Variants in GNAO1 observed in about 807,000 individuals in gnomAD.
GNAO1 encodes the protein G protein subunit alpha o1, also known as guanine nucleotide-binding protein G(o) subunit alpha.
For missense variants in GNAO1, 166 were observed against 478.7 expected (o/e 0.35, Z 6.10); for synonymous variants, 164 against 180.7 (o/e 0.91, Z 0.74).
At chr16:56,230,498 G>A (rs1319103347) in intron 2 of GNAO1, among the ~76,000 whole-genome samples, 8 of 152,304 alleles carry the variant, frequency 5.3e-5, no homozygotes, top group South Asian at 2.1e-4. Flanking sequence ...TAATCAGAGC[G>A]TGGGTGGGGA....
intron 2 of GNAO1, among the ~76,000 whole-genome samples, chr16:56,235,936 C>G (rs965600325): frequency 1.3e-5 from 2 of 152,150 alleles, no homozygotes; most frequent in African/African-American, 2.4e-5. Context: ...CGACTTGGAC[C>G]TTTATCATTT....
At chr16:56,279,826 A>G (rs1478853165) in intron 3 of GNAO1, among the ~76,000 whole-genome samples, 1 of 152,180 alleles carries the variant, frequency 6.6e-6, no homozygotes, top group Non-Finnish European at 1.5e-5. Context: ...TGCAATTTCA[A>G]GGGGGCCTGG....
intron 2 of GNAO1, among the ~76,000 whole-genome samples, chr16:56,250,083 T>A (rs2143453010): frequency 6.6e-6 from 1 of 152,112 alleles, no homozygotes; most frequent in East Asian, 1.9e-4. Context: ...CAGGAAGAAT[T>A]GGTACTGAGA....
At chr16:56,292,124 C>G (rs1394336481) in intron 3 of GNAO1, among the ~76,000 whole-genome samples, 4 of 152,220 alleles carry the variant, frequency 2.6e-5, no homozygotes, top group African/African-American at 7.2e-5. Flanking sequence ...CCAGCAGGCT[C>G]TTTCCTAGCA....
At chr16:56,297,827 G>A (rs1167789463) in intron 3 of GNAO1, among the ~76,000 whole-genome samples, 11 of 151,968 alleles carry the variant, frequency 7.2e-5, no homozygotes, top group African/African-American at 2.4e-4. Flanking sequence ...AGCTGGGCTG[G>A]GTCAGGGAGT....
At chr16:56,340,707 C>T (rs1596875325) in intron 6 of GNAO1, 2 of 798,470 alleles carry the variant, frequency 2.5e-6, no homozygotes, top group Admixed American at 4.2e-5. Context: ...CTGGTGGTCT[C>T]CGTCCCGGTG....
chr16:56,220,117 C>T (rs879919937), intron 2 of GNAO1, among the ~76,000 whole-genome samples: 2 of 152,136 alleles, frequency 1.3e-5, no homozygotes, highest in Non-Finnish European at 2.9e-5. Flanking sequence ...GCTCTTTGGA[C>T]AGCCATGTGA....
chr16:56,193,091 G>A (rs1296863899), intron 2 of GNAO1: 2 of 162,014 alleles, frequency 1.2e-5, no homozygotes, highest in African/African-American at 4.8e-5. Context: ...TTTTGAACTT[G>A]GCTAACATGG....
At chr16:56,296,234 T>G (rs981745694) in intron 3 of GNAO1, among the ~76,000 whole-genome samples, 7 of 151,988 alleles carry the variant, frequency 4.6e-5, no homozygotes, top group Admixed American at 2.0e-4. Flanking sequence ...TCTCTTGGGG[T>G]GGGGGCAGGC....
chr16:56,251,566 C>G (rs912637845), intron 2 of GNAO1, among the ~76,000 whole-genome samples: 1 of 152,116 alleles, frequency 6.6e-6, no homozygotes, highest in African/African-American at 2.4e-5. Flanking sequence ...AATATAGAAC[C>G]CCAGGTGGTC....
chr16:56,297,120 G>C (rs568769468), intron 3 of GNAO1, among the ~76,000 whole-genome samples: 8 of 152,318 alleles, frequency 5.3e-5, no homozygotes, highest in South Asian at 2.1e-4. Context: ...TTTGGGAGTA[G>C]GACACGGGAT....
intron 3 of GNAO1, among the ~76,000 whole-genome samples, chr16:56,280,253 C>T (rs2037102110): frequency 6.6e-6 from 1 of 152,168 alleles, no homozygotes; most frequent in Admixed American, 6.5e-5. Context: ...ATGGAACTGT[C>T]CCTGAAGCAC....
rs2037460756 is a variant in GNAO1, at chr16:56,311,694, T to C, written c.304-16937T>C. Among the ~76,000 whole-genome samples, 2 of 152,044 alleles carry C rather than the reference T, an allele frequency of 1.3e-5. No homozygotes were observed. Among genetic ancestry groups the C allele is most frequent in the Admixed American group, 1.3e-4 (2 of 15,282 alleles). Reference sequence around the variant, plus strand: ...GCTTGGCTCAGCCCCTGACCCCCTGTACCCCAGGGGCCAGGCTCTGGGAGT... The same window carrying C: ...GCTTGGCTCAGCCCCTGACCCCCTGCACCCCAGGGGCCAGGCTCTGGGAGT... On this transcript the variant is annotated intron_variant, in intron 3 of 8. Transcript: ENST00000262493. This position sits in a 1 kb window ranked among gnomAD's most constrained non-coding sequence, Gnocchi z 5.2.
intron 3 of GNAO1, chr16:56,306,725 G>C (rs559899408): frequency 6.6e-6 from 1 of 152,216 alleles, no homozygotes; most frequent in Non-Finnish European, 1.5e-5. Context: ...AAGGGGGGAC[G>C]GGGGGAGGCT....
intron 6 of GNAO1, chr16:56,344,134 C>T: frequency 1.4e-6 from 2 of 1,443,566 alleles, no homozygotes; most frequent in Non-Finnish European, 9.1e-7. Context: ...TGTGGTAACG[C>T]AGGGGCGGGG....
At chr16:56,219,406 C>T (rs182696472) in intron 2 of GNAO1, among the ~76,000 whole-genome samples, 26 of 152,258 alleles carry the variant, frequency 1.7e-4, no homozygotes, top group Admixed American at 9.2e-4. Flanking sequence ...AGTCAAGGCA[C>T]CCCATTGCAT....
intron 2 of GNAO1, among the ~76,000 whole-genome samples, chr16:56,208,074 T>C (rs2036346818): frequency 6.6e-6 from 1 of 152,202 alleles, no homozygotes; most frequent in South Asian, 2.1e-4. Context: ...AATCATTTAG[T>C]CTAGTTTCTC....
intron 6 of GNAO1, among the ~76,000 whole-genome samples, chr16:56,349,767 G>A (rs1462589135): frequency 6.6e-6 from 1 of 152,154 alleles, no homozygotes; most frequent in Non-Finnish European, 1.5e-5. Context: ...GCCCTCCGCC[G>A]ACCAACTTCA....
chr16:56,346,681 C>G (rs2550299), intron 6 of GNAO1: 371,591 of 984,970 alleles, frequency 0.38, 75,194 homozygotes, highest in African/African-American at 0.76. Context: ...AGCTCAGGCA[C>G]AAGAACAACA....
Sources: gnomAD v4.1 joint callset for allele counts (sites outside exome capture counted in the v4.1 genomes callset) on GRCh38, gnomAD v4.1.1 for gene constraint, Gnocchi (gnomAD v3.1) non-coding constraint, MANE v1.5 for transcripts, NCBI Gene and HGNC (gene_info 2026-07-23, HGNC 2026-07-21) for gene names.